The following UPRT variants were observed in gnomAD, a reference collection of about 807,000 sequenced individuals.
UPRT encodes uracil phosphoribosyltransferase homolog, also known as RP11-311P8.3.
UPRT carries 5 observed loss-of-function variants against 22.6 expected under a neutral mutation model. That is an observed-to-expected ratio of 0.22 (90% CI 0.12 to 0.47). The LOEUF (loss-of-function observed/expected upper bound fraction) is 0.47. Among genes scored for constraint, UPRT ranks in the 20% least tolerant of loss-of-function variants. UPRT has a pLI of 0.99. For missense variants in UPRT, 181 were observed against 239.9 expected, an observed-to-expected ratio of 0.75 and a Z score of 1.62; for synonymous variants, 77 against 87.7, an observed-to-expected ratio of 0.88 and a Z score of 0.68.
intron 4 of UPRT, among the ~76,000 whole-genome samples, chrX:75,192,967 T>C (rs1285355480): frequency 8.9e-6 from 1 of 111,990 alleles, no homozygotes; most frequent in Non-Finnish European, 1.9e-5. Context: ...ACATTCAAGG[T>C]TAGTACTAAT....
chrX:75,228,653 CT>C (rs2082429615), intron 4 of UPRT, among the ~76,000 whole-genome samples: 1 of 111,410 alleles, frequency 9.0e-6, no homozygotes, highest in African/African-American at 3.3e-5. Flanking sequence ...TGAAATATAG[CT>C]TTTGTTGATA....
intron 4 of UPRT, among the ~76,000 whole-genome samples, chrX:75,219,274 A>C (rs1602458435): frequency 8.9e-6 from 1 of 112,158 alleles, no homozygotes; most frequent in East Asian, 2.8e-4. Flanking sequence ...TTGAAAGGCA[A>C]GGCTTCATGC....
rs776674438 is a variant in UPRT at position 75,284,392 on chromosome X, G to T, written c.387-9080G>T. Reference sequence around the variant, plus strand: ...AGCCTTGTTATGTAATATTACCAGGGTTTGTTTTCTGTTTCATTCTCATTT... The same window carrying T: ...AGCCTTGTTATGTAATATTACCAGGTTTTGTTTTCTGTTTCATTCTCATTT... On this transcript the variant is annotated intron_variant, in intron 1 of 6. Coordinates refer to ENST00000373383, the MANE Select transcript of UPRT (RefSeq NM_145052.4). Among the ~76,000 whole-genome samples, 14 of 111,607 alleles carry T rather than the reference G, an allele frequency of 1.3e-4. No homozygotes were observed. In the South Asian group the frequency reaches 5.3e-3, roughly 42 times the overall value.
intron 4 of UPRT, among the ~76,000 whole-genome samples, chrX:75,233,984 G>T (rs1477915512): frequency 9.0e-6 from 1 of 111,390 alleles, no homozygotes; most frequent in African/African-American, 3.3e-5. Flanking sequence ...AAAAGGCACA[G>T]ACTGGCAAAT....
chrX:75,197,403 G>A (rs1279631789), intron 4 of UPRT, among the ~76,000 whole-genome samples: 1 of 111,441 alleles, frequency 9.0e-6, no homozygotes, highest in East Asian at 2.8e-4. Flanking sequence ...GAAAATACAG[G>A]CAACAGAATC....
Position 75,281,292 on chromosome X carries a change from C to T in UPRT, c.386+6652C>T, listed in dbSNP as rs373596889. Among the ~76,000 whole-genome samples the T allele has an allele frequency of 6.3e-5, 7 of 111,624 alleles. No homozygotes were observed. In the South Asian group the frequency reaches 2.6e-3, roughly 42 times the overall value. On this transcript the variant is annotated intron_variant, in intron 1 of 6. Transcript: ENST00000373383. ...GTCTGATTGCTCTGGCTAGGACCTCCAGTACTATGTTGAAGAGGAATGGTG... is the reference window on the plus strand; with the variant it reads ...GTCTGATTGCTCTGGCTAGGACCTCTAGTACTATGTTGAAGAGGAATGGTG...
At chrX:75,251,639 A>G (rs2082530254) in intron 4 of UPRT, among the ~76,000 whole-genome samples, 1 of 111,840 alleles carries the variant, frequency 8.9e-6, no homozygotes, top group Non-Finnish European at 1.9e-5. Flanking sequence ...CATACTGCCC[A>G]AGGTAATTTA....
chrX:75,225,831 A>G (rs2082422534), intron 4 of UPRT, among the ~76,000 whole-genome samples: 1 of 111,196 alleles, frequency 9.0e-6, no homozygotes, highest in Non-Finnish European at 1.9e-5. Context: ...ATGGCTTTAA[A>G]TATAAACTAT....
At chrX:75,169,148 A>G (rs1394492169) in intron 4 of UPRT, among the ~76,000 whole-genome samples, 1 of 112,129 alleles carries the variant, frequency 8.9e-6, no homozygotes, top group Non-Finnish European at 1.9e-5. Flanking sequence ...CACAGTGTAT[A>G]TATACTACAG....
At chrX:75,170,527 T>C (rs765365743) in intron 4 of UPRT, among the ~76,000 whole-genome samples, 7 of 112,205 alleles carry the variant, frequency 6.2e-5, no homozygotes, top group African/African-American at 9.7e-5. Flanking sequence ...TTCTTACCCA[T>C]TCTGCAATTC....
intron 4 of UPRT, among the ~76,000 whole-genome samples, chrX:75,242,904 T>C (rs921717299): frequency 3.6e-5 from 4 of 111,606 alleles, no homozygotes; most frequent in African/African-American, 1.3e-4. Flanking sequence ...GTAAAGGCAC[T>C]GTATAGATAA....
Position 75,240,748 on chromosome X carries a change from C to T in UPRT, c.-446-50276C>T, listed in dbSNP as rs564709545. Among the ~76,000 whole-genome samples, 35 of 111,645 alleles carry T rather than the reference C, an allele frequency of 3.1e-4. No homozygotes were observed. The South Asian group carries it at 6.0e-3, about 19-fold the overall frequency. Reference sequence around the variant, plus strand: ...AAAATAGGCACATAGACTAATGCAGCATAATAGGGAACCCAGAAATAAAGC... The same window carrying T: ...AAAATAGGCACATAGACTAATGCAGTATAATAGGGAACCCAGAAATAAAGC... On this transcript the variant is annotated intron_variant, in intron 4 of 13. Transcript: ENST00000652605.
intron 4 of UPRT, among the ~76,000 whole-genome samples, chrX:75,258,222 C>CT (rs200771761): frequency 0.13 from 9,193 of 68,356 alleles, 1,226 homozygotes; most frequent in East Asian, 0.89. Context: ...TTTTTTCTTT[C>CT]TTTTTTTTTT....
At chrX:75,266,940 A>G (rs1262187120) in intron 4 of UPRT, among the ~76,000 whole-genome samples, 1 of 111,288 alleles carries the variant, frequency 9.0e-6, no homozygotes, top group African/African-American at 3.3e-5. Context: ...AGGAAATAAC[A>G]GGTTCTGGAG....
At chrX:75,272,334 A>G (rs779092896), upstream of UPRT, among the ~76,000 whole-genome samples, 942 of 94,772 alleles carry the variant, frequency 9.9e-3, 27 homozygotes, top group African/African-American at 0.036. Context: ...ATATATGTAT[A>G]TATATATATA....
chrX:75,192,531 T>C (rs370626673), intron 4 of UPRT, among the ~76,000 whole-genome samples: 2 of 111,720 alleles, frequency 1.8e-5, no homozygotes, highest in East Asian at 5.6e-4. Context: ...TTTTCTGCCT[T>C]GATAATATGT....
chrX:75,254,917 A>C (rs2082544436), intron 4 of UPRT, among the ~76,000 whole-genome samples: 1 of 109,832 alleles, frequency 9.1e-6, no homozygotes, highest in Non-Finnish European at 1.9e-5. Context: ...CTGGGACTAC[A>C]GGCGCCCGCC....
chrX:75,187,288 G>A (rs1156435483), intron 4 of UPRT, among the ~76,000 whole-genome samples: 1 of 110,980 alleles, frequency 9.0e-6, no homozygotes, highest in African/African-American at 3.3e-5. Context: ...ATGAAGCTTA[G>A]TTTGGCTGGA....
In UPRT at chrX:75,253,083, C is replaced by A. The variant is rs149951316; in HGVS notation, c.-446-37941C>A. The stretch of plus-strand genomic sequence containing the variant: ...GGGAGGGATAGCATTAGGAGATATA[C>A]CTAATGCTAAATGATGAGTTAATGG... On this transcript the variant is annotated intron_variant, in intron 4 of 13. Transcript: ENST00000652605. 0.076 allele frequency among the ~76,000 whole-genome samples: 8,383 copies of A among 110,355 alleles called. 1,236 individuals are homozygous for A. The East Asian group carries it at 0.9, about 12-fold the overall frequency.
Sources: allele counts gnomAD v4.1 joint callset (sites outside exome capture counted in the v4.1 genomes callset), GRCh38; gene constraint gnomAD v4.1.1; transcripts MANE v1.5; gene names NCBI Gene and HGNC (gene_info 2026-07-23, HGNC 2026-07-21).